TANC2: variants seen among roughly 807,000 people sequenced by gnomAD.
TANC2 encodes the protein protein TANC2.
TANC2 carries 26 observed loss-of-function variants against 210.5 expected under a neutral mutation model. The observed-to-expected ratio is 0.12, with a 90% CI of 0.09 to 0.17. The LOEUF (loss-of-function observed/expected upper bound fraction) is 0.17, where lower values mean the gene tolerates loss of function less well. Ranked by LOEUF, TANC2 falls within the 10% of genes least tolerant of loss-of-function variation. The probability of loss-of-function intolerance (pLI) is 1.00; values close to 1 mark genes in which losing one functional copy is unlikely to be tolerated. For missense variants in TANC2, 2,129 were observed against 2,608.9 expected (o/e 0.82, Z 4.01); for synonymous variants, 931 against 967.1 (o/e 0.96, Z 0.69).
chr17:63,055,988 AAAATATATATATATATATATATATAT>A lies in TANC2; in HGVS notation c.68-17953_68-17928del, dbSNP rs1338864518. On this transcript the variant is annotated intron_variant, in intron 2 of 27. Coordinates refer to ENST00000689528, the Ensembl canonical transcript of TANC2. ...ACCAAAAAAAAAAAAAAAAAAAAAA[AAAATATATATATATATATATATATAT>A]ATATATATATGCCAGGGGTGGTGGC... Among the ~76,000 whole-genome samples, 45 of 8,982 alleles carry A rather than the reference AAAATATATATATATATATATATATAT, an allele frequency of 5.0e-3. 2 individuals are homozygous for A. Among genetic ancestry groups the A allele is most frequent in the Non-Finnish European group, 9.2e-3 (34 of 3,682 alleles). 5.9% of individuals were successfully genotyped at this position (8,982 alleles called of 152,430 possible). A position where few individuals can be genotyped will look rare whatever the true frequency, so the allele number is the denominator to read the frequency against.
intron 1 of TANC2, among the ~76,000 whole-genome samples, chr17:63,005,896 TTGTGTG>T (rs56763847): frequency 0.086 from 11,434 of 132,726 alleles, 481 homozygotes; most frequent in African/African-American, 0.11. Context: ...GCTGTATAGT[TTGTGTG>T]TGTGTGTGTG....
chr17:63,151,044 T>C (rs1372039152), intron 4 of TANC2: 1 of 152,166 alleles, frequency 6.6e-6, no homozygotes, highest in Non-Finnish European at 1.5e-5. Context: ...TTTTTTTTTT[T>C]TTTTTCTGGC....
intron 11 of TANC2, among the ~76,000 whole-genome samples, chr17:63,335,456 C>T (rs939069718): frequency 1.3e-5 from 2 of 151,864 alleles, no homozygotes; most frequent in Admixed American, 1.3e-4. Flanking sequence ...ACTAAAAATA[C>T]AGAAAAATTA....
chr17:63,137,823 G>T (rs1040018766), intron 4 of TANC2, among the ~76,000 whole-genome samples: 13 of 152,148 alleles, frequency 8.5e-5, no homozygotes, highest in Non-Finnish European at 8.8e-5. Flanking sequence ...CTTAGGTCCT[G>T]ATGATGTATA....
At chr17:63,126,160 T>C (rs1333242512) in intron 4 of TANC2, among the ~76,000 whole-genome samples, 3 of 152,226 alleles carry the variant, frequency 2.0e-5, no homozygotes, top group Admixed American at 6.5e-5. Flanking sequence ...ACGTCTTGTC[T>C]CCCTAAAAGG....
rs56092538 is a variant in TANC2 at position 63,343,471 on chromosome 17, C to T, written c.1807+3139C>T. On this transcript the variant is annotated intron_variant, in intron 12 of 27. Transcript: ENST00000689528. ...CAAATTAGAGAAGTAGCTATAGTCC[C>T]AACTGCTCTGGAGGCTGAGGCAGAA... 2.8e-3 allele frequency among the ~76,000 whole-genome samples: 427 copies of T among 152,274 alleles called. 3 individuals carry two copies. Among genetic ancestry groups the T allele is most frequent in the African/African-American group, 9.7e-3 (404 of 41,550 alleles).
chr17:63,197,102 T>A (rs564524870), intron 6 of TANC2, among the ~76,000 whole-genome samples: 4 of 152,282 alleles, frequency 2.6e-5, no homozygotes, highest in South Asian at 4.1e-4. Context: ...TAAAATAATA[T>A]GCAGTATAGT....
intron 7 of TANC2, among the ~76,000 whole-genome samples, chr17:63,213,779 G>C (rs1252602916): frequency 6.6e-6 from 1 of 152,128 alleles, no homozygotes; most frequent in Non-Finnish European, 1.5e-5. Context: ...AATAGTTTTG[G>C]CAACATGCTG....
chr17:63,387,792 A>G (rs2047832116), intron 15 of TANC2, among the ~76,000 whole-genome samples: 1 of 152,236 alleles, frequency 6.6e-6, no homozygotes, highest in African/African-American at 2.4e-5. Context: ...AAATATTAGT[A>G]CATGTCGTGG....
At chr17:62,997,142 A>G (rs1173948895) in intron 1 of TANC2, among the ~76,000 whole-genome samples, 2 of 142,342 alleles carry the variant, frequency 1.4e-5, no homozygotes, top group East Asian at 2.1e-4. Context: ...TTTTAAAGAG[A>G]AAAAAAGGAC....
At chr17:63,311,322 TATC>T in intron 9 of TANC2, among the ~76,000 whole-genome samples, 1 of 152,340 alleles carries the variant, frequency 6.6e-6, no homozygotes, top group South Asian at 2.1e-4. Flanking sequence ...ATTTATGTTT[TATC>T]ATGTAGAGAG....
intron 9 of TANC2, among the ~76,000 whole-genome samples, chr17:63,278,767 A>G (rs1355992293): frequency 1.3e-5 from 2 of 152,170 alleles, no homozygotes. Context: ...TGGTCTATAT[A>G]TCAATGGAAA....
intron 14 of TANC2, among the ~76,000 whole-genome samples, chr17:63,358,379 A>ATGTGTGTGTGTGTGTGTGTGTG (rs375498280): frequency 7.0e-4 from 98 of 139,592 alleles, no homozygotes; most frequent in South Asian, 1.2e-3. Context: ...GAGAGAGAGT[A>ATGTGTGTGTGTGTGTGTGTGTG]TGTGTGTGTG....
At position 62,966,421 on chromosome 17, in the gene TANC2, C is replaced by A. The variant is rs1003787941; in HGVS notation, c.-352C>A. Reference sequence around the variant, plus strand: ...CACCGCCCTCCGCGCCTCCTTCGGGCGGCCCCGCCCCCATTCCCATCCCCC... The same window carrying A: ...CACCGCCCTCCGCGCCTCCTTCGGGAGGCCCCGCCCCCATTCCCATCCCCC... On this transcript the variant is annotated 5_prime_UTR_variant, in exon 1 of 28. Transcript: ENST00000689528. This position sits in a 1 kb window ranked among gnomAD's most constrained non-coding sequence, Gnocchi z 5.1. Among the ~76,000 whole-genome samples, 3 of 147,938 alleles carry A rather than the reference C, an allele frequency of 2.0e-5. No homozygotes were observed. The highest frequency in any genetic ancestry group is 4.5e-5 in the Non-Finnish European group (3 of 66,314).
intron 8 of TANC2, among the ~76,000 whole-genome samples, chr17:63,254,268 C>G (rs2043128834): frequency 6.6e-6 from 1 of 151,484 alleles, no homozygotes; most frequent in Non-Finnish European, 1.5e-5. Flanking sequence ...TTCTTGATTT[C>G]TTTTTCATCT....
rs1005285507 is a variant in TANC2, at chr17:63,108,469, A to C, written c.322+9112A>C. 5.3e-5 allele frequency among the ~76,000 whole-genome samples: 8 copies of C among 151,918 alleles called. No individual in the cohort carries two copies. In the South Asian group the frequency reaches 8.3e-4, roughly 16 times the overall value. Reference sequence around the variant, plus strand: ...GTAGAACCTCATACTGAAAAACATAAGATTTCTTATACTTGTATTGTTTTC... The same window carrying C: ...GTAGAACCTCATACTGAAAAACATACGATTTCTTATACTTGTATTGTTTTC... On this transcript the variant is annotated intron_variant, in intron 4 of 27. Coordinates refer to ENST00000689528, the Ensembl canonical transcript of TANC2.
intron 11 of TANC2, among the ~76,000 whole-genome samples, chr17:63,329,979 AG>A (rs1417649021): frequency 1.3e-5 from 2 of 152,254 alleles, no homozygotes; most frequent in African/African-American, 4.8e-5. Context: ...CAAGTAATCA[AG>A]TTTTGAGTAT....
chr17:63,224,893 C>G (rs2042290029), intron 7 of TANC2, among the ~76,000 whole-genome samples: 1 of 152,202 alleles, frequency 6.6e-6, no homozygotes, highest in South Asian at 2.1e-4. Flanking sequence ...TCTAGCTGAT[C>G]ATCTCAGGCT....
chr17:63,213,393 C>G (rs1598619276), intron 7 of TANC2, among the ~76,000 whole-genome samples: 1 of 152,186 alleles, frequency 6.6e-6, no homozygotes, highest in African/African-American at 2.4e-5. Flanking sequence ...CTTGCATTCT[C>G]TAGCTTTCGG....
Sources: gnomAD v4.1 joint callset for allele counts (sites outside exome capture counted in the v4.1 genomes callset) on GRCh38, gnomAD v4.1.1 for gene constraint, Gnocchi (gnomAD v3.1) non-coding constraint, MANE v1.5 for transcripts, NCBI Gene and HGNC (gene_info 2026-07-23, HGNC 2026-07-21) for gene names.